WFS1: variants seen among roughly 807,000 people sequenced by gnomAD.
WFS1 encodes the protein wolframin.
A neutral mutation model predicts 68.5 loss-of-function variants in WFS1; 90 were observed. The ratio of observed to expected loss-of-function variants is 1.31; its 90% CI spans 1.11 to 1.56. The LOEUF (loss-of-function observed/expected upper bound fraction) is 1.56. Among genes scored for constraint, WFS1 ranks in the 40% most tolerant of loss-of-function variants. The pLI, the probability that WFS1 is intolerant of heterozygous loss-of-function variation, is 0.00. For synonymous variants in WFS1, 860 were observed against 540.7 expected, an observed-to-expected ratio of 1.59 and a Z score of -8.19; for missense variants, 1,767 against 1,232.6, an observed-to-expected ratio of 1.43 and a Z score of -6.49.
At chr4:6,300,329 G>A (rs1056182674) in intron 7 of WFS1, among the ~76,000 whole-genome samples, 3 of 152,158 alleles carry the variant, frequency 2.0e-5, no homozygotes, top group Non-Finnish European at 4.4e-5. Context: ...GGAGGGAAGT[G>A]GGGAGCCCGT....
chr4:6,290,778 C>A (rs1435735372), intron 4 of WFS1, among the ~76,000 whole-genome samples: 1 of 152,204 alleles, frequency 6.6e-6, no homozygotes, highest in Non-Finnish European at 1.5e-5. Context: ...TCTGTAGACA[C>A]AGGGGTGGCC....
chr4:6,284,258 A>G (rs1730247003), intron 2 of WFS1, among the ~76,000 whole-genome samples: 1 of 152,160 alleles, frequency 6.6e-6, no homozygotes, highest in Non-Finnish European at 1.5e-5. Context: ...CTGTATTCCC[A>G]GCTACTCAGG....
rs1474390176 is a variant in WFS1 at position 6,296,189 on chromosome 4, GAGA to G, written c.861+1003_861+1005del. ...GAAAGGTCACCGTCCTCGAGCCAGG[GAGA>G]AGGTCAGAGTAGGCCCGCCCTCCGG... On this transcript the variant is annotated intron_variant, in intron 7 of 7. Transcript: ENST00000226760. Among the ~76,000 whole-genome samples, 2 of 152,358 alleles carry G rather than the reference GAGA, an allele frequency of 1.3e-5. 1 individual carries two copies. Among genetic ancestry groups the G allele is most frequent in the African/African-American group, 4.8e-5 (2 of 41,592 alleles).
intron 1 of WFS1, among the ~76,000 whole-genome samples, chr4:6,274,248 T>C (rs573577150): frequency 5.7e-4 from 86 of 152,036 alleles, no homozygotes; most frequent in East Asian, 1.2e-3. Flanking sequence ...GGGGTTTCAC[T>C]GTGTTAGCCA....
Position 6,302,572 on chromosome 4 carries a change from G to A in WFS1, c.*104G>A, listed in dbSNP as rs1023443240. The A allele has an allele frequency of 3.0e-5, 46 of 1,524,780 alleles. No individual in the cohort carries two copies. The highest frequency in any genetic ancestry group is 1.8e-4 in the East Asian group (8 of 43,674). The allele number at this position is 1,524,780 out of a possible 1,614,324, so 94.5% of individuals were successfully genotyped here. A position where few individuals can be genotyped will look rare whatever the true frequency, so the allele number is the denominator to read the frequency against. The stretch of plus-strand genomic sequence containing the variant: ...GCACCAGTGCCGCCTGTGCCCACGT[G>A]TGCAGACTGTGGCTGCAGAGACCTT... On this transcript the variant is annotated 3_prime_UTR_variant, in exon 8 of 8. Transcript: ENST00000226760.
Position 6,301,012 on chromosome 4 carries a change from C to A in WFS1, c.1217C>A (p.Ala406Asp), listed in dbSNP as rs1730871214. The change falls in exon 8 of 8, where the codon GCC becomes GAC. Residue 406 changes from alanine (A) to aspartate (D), a missense_variant. Transcript: ENST00000226760. ...NFGWNHLEPYAHFLLSVFFVI... is the reference protein window; with the variant it reads ...NFGWNHLEPYDHFLLSVFFVI... ...GGCTGGAACCACCTGGAGCCCTATG[C>A]CCATTTCCTGCTCTCTGTCTTCTTC... The A allele has an allele frequency of 8.7e-6, 14 of 1,614,018 alleles. No individual in the cohort carries two copies. Among genetic ancestry groups the A allele is most frequent in the Non-Finnish European group, 1.2e-5 (14 of 1,180,024 alleles).
chr4:6,302,098 A>G lies in WFS1; in HGVS notation c.2303A>G (p.Lys768Arg), dbSNP rs1311585269. 6.2e-7 allele frequency: 1 copy of G among 1,612,910 alleles called. No individual in the cohort carries two copies. The highest frequency in any genetic ancestry group is 8.5e-7 in the Non-Finnish European group (1 of 1,180,012). ...CTGGCCAAGCACCCCTGCCACATCA[A>G]GAAGTTCGACCGCTACAAGTTTGAG... is the stretch of plus-strand genomic sequence containing the variant. ...KLLAKHPCHI[K>R]KFDRYKFEIT... Residue 768 changes from lysine to arginine, a missense_variant, in exon 8 of 8, where the codon AAG becomes AGG. Physicochemically the swap from Lys to Arg is conservative, Grantham distance 26. Coordinates refer to ENST00000226760, the MANE Select transcript of WFS1 (RefSeq NM_006005.3).
At position 6,292,075 on chromosome 4, in the gene WFS1, T is replaced by C. The variant is rs7655482; in HGVS notation, c.712+78T>C. ...GGGCGACCTCTCCTTCCTGTGCGAC[T>C]CCATCCTGGCCTGCCCTATCTCACC... On this transcript the variant is annotated intron_variant, in intron 6 of 7. Transcript: ENST00000226760. 173,747 of 1,428,822 alleles carry C rather than the reference T, an allele frequency of 0.12. 11,999 individuals carry two copies. Among genetic ancestry groups the C allele is most frequent in the African/African-American group, 0.23 (15,748 of 69,978 alleles). 88.5% of individuals were successfully genotyped at this position (1,428,822 alleles called of 1,614,324 possible).
rs201327827 is a variant in WFS1 at position 6,286,606 on chromosome 4, TA to T, written c.233-485del. Among the ~76,000 whole-genome samples, 934 of 152,374 alleles carry T rather than the reference TA, an allele frequency of 6.1e-3. 6 individuals carry two copies. The highest frequency in any genetic ancestry group is 0.014 in the Middle Eastern group (4 of 294). ...TATCAAGATGTATATACACTGATTA[TA>T]ATATCCAAAAAATGTGGTTTTTGTT... On this transcript the variant is annotated intron_variant, in intron 2 of 7. Transcript: ENST00000226760.
intron 7 of WFS1, among the ~76,000 whole-genome samples, chr4:6,296,213 T>C (rs1730635302): frequency 6.6e-6 from 1 of 152,096 alleles, no homozygotes; most frequent in South Asian, 2.1e-4. Context: ...AGGCCCGCCC[T>C]CCGGTGGGGG....
At chr4:6,277,323 C>T (rs949610796) in intron 1 of WFS1, 128 bp from the exon 2 acceptor site, 12 of 902,526 alleles carry the variant, frequency 1.3e-5, no homozygotes, top group African/African-American at 6.6e-5. Flanking sequence ...TGAGTGTCAG[C>T]GAGATCCTGT....
intron 2 of WFS1, among the ~76,000 whole-genome samples, chr4:6,282,274 G>A (rs1294700138): frequency 6.6e-6 from 1 of 152,254 alleles, no homozygotes; most frequent in Non-Finnish European, 1.5e-5. Context: ...GGTGCAGGGT[G>A]ACCCCAGCTT....
In WFS1 at chr4:6,274,614, G is replaced by A. The variant is rs114998580; in HGVS notation, c.-5-2837G>A. Among the ~76,000 whole-genome samples the A allele has an allele frequency of 4.7e-3, 711 of 152,190 alleles. 10 individuals are homozygous for A. Among genetic ancestry groups the A allele is most frequent in the African/African-American group, 0.017 (689 of 41,516 alleles). ...GAGTAGGTGAGGAAGACAGGGACTCGGGACAGACATAGCTTGGAAGCTCCC... is the reference window on the plus strand; with the variant it reads ...GAGTAGGTGAGGAAGACAGGGACTCAGGACAGACATAGCTTGGAAGCTCCC... On this transcript the variant is annotated intron_variant, in intron 1 of 7. Transcript: ENST00000226760.
At chr4:6,293,794 A>G (rs1730543876) in intron 6 of WFS1, among the ~76,000 whole-genome samples, 1 of 152,050 alleles carries the variant, frequency 6.6e-6, no homozygotes, top group Non-Finnish European at 1.5e-5. Flanking sequence ...TCTGGTAGGG[A>G]GATGTGTGGG....
At chr4:6,298,638 G>A (rs973341917) in intron 7 of WFS1, among the ~76,000 whole-genome samples, 1 of 151,784 alleles carries the variant, frequency 6.6e-6, no homozygotes, top group Non-Finnish European at 1.5e-5. Flanking sequence ...GGCTCAGTCT[G>A]TGTAGACATG....
chr4:6,274,192 G>A (rs1391700102), intron 1 of WFS1, among the ~76,000 whole-genome samples: 3 of 151,982 alleles, frequency 2.0e-5, no homozygotes, highest in Non-Finnish European at 2.9e-5. Context: ...GACTATCGGC[G>A]CCCGCCACCA....
chr4:6,270,786 A>G (rs902618664), intron 1 of WFS1, among the ~76,000 whole-genome samples: 5 of 152,172 alleles, frequency 3.3e-5, no homozygotes, highest in African/African-American at 1.2e-4. Context: ...AGGAAGTCGC[A>G]TTTGTGCAAC....
chr4:6,278,574 C>T (rs1233266510), intron 2 of WFS1, among the ~76,000 whole-genome samples: 2 of 152,246 alleles, frequency 1.3e-5, no homozygotes, highest in African/African-American at 4.8e-5. Flanking sequence ...GTCTAGGTGA[C>T]TTGCCCAAGA....
intron 6 of WFS1, among the ~76,000 whole-genome samples, chr4:6,292,783 C>G (rs1180124406): frequency 6.6e-6 from 1 of 152,158 alleles, no homozygotes; most frequent in East Asian, 1.9e-4. Context: ...TTCTGGGTGT[C>G]AGTTTCCCCT....
Sources: gnomAD v4.1 joint callset for allele counts (sites outside exome capture counted in the v4.1 genomes callset) on GRCh38, gnomAD v4.1.1 for gene constraint, MANE v1.5 for transcripts, NCBI Gene and HGNC (gene_info 2026-07-23, HGNC 2026-07-21) for gene names.